The following RYR1 variants were observed in gnomAD, a reference collection of about 807,000 sequenced individuals.
RYR1 encodes ryanodine receptor 1, also known as central core disease of muscle.
RYR1 carries 342 observed loss-of-function variants against 583.5 expected under a neutral mutation model. That is an observed-to-expected ratio of 0.59 (90% CI 0.54 to 0.64). RYR1 has a LOEUF of 0.64. Among genes scored for constraint, RYR1 ranks in the 30% least tolerant of loss-of-function variants. The probability of loss-of-function intolerance (pLI) is 0.00; values close to 1 mark genes in which losing one functional copy is unlikely to be tolerated. For missense variants in RYR1, 6,032 were observed against 6,917.2 expected (o/e 0.87, Z 4.54); for synonymous variants, 2,791 against 2,822.5 (o/e 0.99, Z 0.35).
chr19:38,543,845 G>A lies in RYR1; in HGVS notation c.11982G>A (p.Val3994=). 1 of 1,613,852 alleles carries A rather than the reference G, an allele frequency of 6.2e-7. No individual in the cohort carries two copies. Among genetic ancestry groups the A allele is most frequent in the Admixed American group, 1.7e-5 (1 of 60,016 alleles). ...ACGCAGTGGTGGGATTCCTGCACGT[G>A]TTCGCCCACATGATGATGAAGCTCG... ...LWDAVVGFLH[V]FAHMMMKLAQ... is the part of the protein sequence containing the mutation. Residue 3994 remains valine, a synonymous_variant, in exon 87 of 106, where the codon GTG becomes GTA. Transcript: ENST00000359596. This position sits in a 1 kb window ranked among gnomAD's most constrained non-coding sequence, Gnocchi z 4.4.
At chr19:38,581,827 C>T (rs1001825573) in intron 101 of RYR1, among the ~76,000 whole-genome samples, 38 of 150,710 alleles carry the variant, frequency 2.5e-4, no homozygotes, top group Admixed American at 2.6e-4. Flanking sequence ...AGGCTTGTCT[C>T]GAACTCCTGA....
Position 38,442,447 on chromosome 19 carries a change from C to T in RYR1, c.264C>T (p.Gly88=), listed in dbSNP as rs190919088. 138 of 1,612,408 alleles carry T rather than the reference C, an allele frequency of 8.6e-5. 1 individual carries two copies. Among genetic ancestry groups the T allele is most frequent in the East Asian group, 7.1e-4 (32 of 44,806 alleles). ...QEMLANTVEA[G]VESSQGGGHR... ...TGCTGGCTAACACGGTGGAGGCTGG[C>T]GTGGAGGTGAGGACCCCACCTGGGG... Residue 88 remains glycine, a synonymous_variant, in exon 3 of 106, where the codon GGC becomes GGT. Coordinates refer to ENST00000359596, the MANE Select transcript of RYR1 (RefSeq NM_000540.3).
At chr19:38,511,994 T>G in intron 61 of RYR1, 78 bp from the exon 62 acceptor site, 1 of 1,502,204 alleles carries the variant, frequency 6.7e-7, no homozygotes, top group Non-Finnish European at 9.1e-7. Flanking sequence ...AAGAGAGCGG[T>G]TGGGGTGGAT....
chr19:38,494,382 T>A lies in RYR1; in HGVS notation c.6305T>A (p.Val2102Glu). The A allele has an allele frequency of 6.2e-7, 1 of 1,611,724 alleles. No individual in the cohort carries two copies. Among genetic ancestry groups the A allele is most frequent in the Non-Finnish European group, 8.5e-7 (1 of 1,179,970 alleles). Residue 2102 changes from valine to glutamate, a missense_variant, in exon 39 of 106, where the codon GTG becomes GAG. By Grantham distance (121) the Val-to-Glu change is moderately radical (BLOSUM62 -2). Transcript: ENST00000359596. ...CTGCAGGAGCTGGTGTCCCACATGG[T>A]GGTGCGCTGGGCCCAAGAGGACTTC... is the stretch of plus-strand genomic sequence containing the variant. ...RSLQELVSHM[V>E]VRWAQEDFVQ... is the part of the protein sequence containing the mutation.
chr19:38,502,649 T>A lies in RYR1; in HGVS notation c.7757T>A (p.Val2586Glu), dbSNP rs577314143. The A allele has an allele frequency of 2.5e-6, 4 of 1,612,614 alleles. No individual in the cohort carries two copies. The highest frequency in any genetic ancestry group is 3.4e-6 in the Non-Finnish European group (4 of 1,179,878). The change falls in exon 48 of 106, where the codon GTG (valine) becomes GAG (glutamate). Residue 2586 changes from valine (V) to glutamate (E), a missense_variant. Val to Glu is a moderately radical substitution (Grantham distance 121). Transcript: ENST00000359596. ...ATGGTGGACTCTATGCTGCATACCG[T>A]GTACCGCCTGTCTCGGGGTCGTTCG... is the stretch of plus-strand genomic sequence containing the variant. Reference protein sequence around the residue: ...AIMVDSMLHTVYRLSRGRSLT... With the variant: ...AIMVDSMLHTEYRLSRGRSLT...
chr19:38,520,067 T>G (rs1173626137), intron 67 of RYR1, among the ~76,000 whole-genome samples: 1 of 148,770 alleles, frequency 6.7e-6, no homozygotes, highest in East Asian at 2.0e-4. Flanking sequence ...TAAGGAATAG[T>G]TTGCTTTTTT....
Position 38,543,738 on chromosome 19 carries a change from C to T in RYR1, c.11908-33C>T, listed in dbSNP as rs767214711. On this transcript the variant is annotated intron_variant, in intron 86 of 105. Transcript: ENST00000359596. This position sits in a 1 kb window ranked among gnomAD's most constrained non-coding sequence, Gnocchi z 4.4. ...GATCCCTGATCCCTTCTCGGGGATT[C>T]CCTTCCCCCCCACACGGCACTCTGC... 1 of 1,611,034 alleles carries T rather than the reference C, an allele frequency of 6.2e-7. No individual in the cohort carries two copies. The highest frequency in any genetic ancestry group is 1.1e-5 in the South Asian group (1 of 91,074).
At chr19:38,582,031 C>G (rs534106838) in intron 101 of RYR1, among the ~76,000 whole-genome samples, 3 of 152,126 alleles carry the variant, frequency 2.0e-5, no homozygotes, top group East Asian at 3.9e-4. Flanking sequence ...GGGGGCCTCA[C>G]CTGTAAAATG....
In RYR1 at chr19:38,581,667, C is replaced by G. The variant is rs1363338071; in HGVS notation, c.14646+1163C>G. 2.6e-5 allele frequency among the ~76,000 whole-genome samples: 4 copies of G among 152,118 alleles called. No individual in the cohort carries two copies. The East Asian group carries it at 7.7e-4, about 29-fold the overall frequency. On this transcript the variant is annotated intron_variant, in intron 101 of 105. Transcript: ENST00000359596. The stretch of plus-strand genomic sequence containing the variant: ...AGGCTGGAGTGCAGTGACATGACCT[C>G]AGCTTACTGCAACCTCTGTCTCTCA...
At chr19:38,547,967 T>C (rs112412968) in intron 88 of RYR1, among the ~76,000 whole-genome samples, 1 of 152,080 alleles carries the variant, frequency 6.6e-6, no homozygotes, top group Admixed American at 6.6e-5. Context: ...CCCACCTCGG[T>C]CTCCCAAAGT....
At chr19:38,514,936 C>A in intron 63 of RYR1, 90 bp from the exon 64 acceptor site, 1 of 846,712 alleles carries the variant, frequency 1.2e-6, no homozygotes, top group Non-Finnish European at 2.0e-6. Flanking sequence ...CTCTTCCCCA[C>A]TGCATGGGCC....
chr19:38,446,441 C>G, intron 7 of RYR1, 31 bp from the exon 8 acceptor site: 1 of 1,552,898 alleles, frequency 6.4e-7, no homozygotes, highest in Non-Finnish European at 8.9e-7. Flanking sequence ...CTCCAGCCTC[C>G]CATTGACCAA....
intron 38 of RYR1, 60 bp from the exon 39 acceptor site, chr19:38,494,292 G>A: frequency 1.9e-6 from 3 of 1,605,760 alleles, no homozygotes; most frequent in Non-Finnish European, 2.6e-6. Flanking sequence ...TCTGGTCCAA[G>A]GCCCCATGTG....
intron 48 of RYR1, 72 bp from the exon 49 acceptor site, chr19:38,502,808 G>GGCAGGGGCA: frequency 9.2e-7 from 1 of 1,081,616 alleles, no homozygotes; most frequent in Non-Finnish European, 1.2e-6. Context: ...CAGGGGCAGG[G>GGCAGGGGCA]GGAGGAGCAG....
In RYR1 at chr19:38,561,487, C is replaced by T. The variant is rs1316613369; in HGVS notation, c.12624+33C>T. On this transcript the variant is annotated intron_variant, in intron 90 of 105. Coordinates refer to ENST00000359596, the MANE Select transcript of RYR1 (RefSeq NM_000540.3). The surrounding 1 kb of genome is among the most constrained non-coding windows in gnomAD (Gnocchi z 4.8). ...AACCCGCGCGCGTGCAAGCTCGCCT[C>T]CTGGGGCTTCGGGCATGCGGGTGCT... 6.3e-6 allele frequency: 10 copies of T among 1,584,092 alleles called. No homozygotes were observed. The highest frequency in any genetic ancestry group is 5.1e-6 in the Non-Finnish European group (6 of 1,167,384).
chr19:38,510,270 G>A (rs1291728378), intron 58 of RYR1, among the ~76,000 whole-genome samples: 3 of 152,094 alleles, frequency 2.0e-5, no homozygotes, highest in South Asian at 2.1e-4. Context: ...GCAGTGAGCC[G>A]AGATCGTGCC....
At chr19:38,528,122 A>T (rs1236387120) in intron 73 of RYR1, 184 bp from the exon 74 acceptor site, 1 of 667,684 alleles carries the variant, frequency 1.5e-6, no homozygotes, top group East Asian at 2.7e-5. Flanking sequence ...CTGGCCTAGG[A>T]TGGAAACTTA....
At chr19:38,501,362 G>A (rs922895458) in intron 47 of RYR1, among the ~76,000 whole-genome samples, 38 of 152,302 alleles carry the variant, frequency 2.5e-4, no homozygotes, top group African/African-American at 8.9e-4. Flanking sequence ...GCCAGACGTG[G>A]TGGCGCACAC....
chr19:38,564,190 C>T (rs922197343), intron 90 of RYR1, among the ~76,000 whole-genome samples: 1 of 152,190 alleles, frequency 6.6e-6, no homozygotes, highest in Admixed American at 6.5e-5. Flanking sequence ...ACCAGCCTGA[C>T]CAACACAGAC....
Sources: gnomAD v4.1 joint callset for allele counts (sites outside exome capture counted in the v4.1 genomes callset) on GRCh38, gnomAD v4.1.1 for gene constraint, Gnocchi (gnomAD v3.1) non-coding constraint, MANE v1.5 for transcripts, NCBI Gene and HGNC (gene_info 2026-07-23, HGNC 2026-07-21) for gene names.